The following TAS2R8 variants were observed in gnomAD, a reference collection of about 807,000 sequenced individuals.
The protein encoded by TAS2R8 is taste receptor type 2 member 8.
For missense variants in TAS2R8, 396 were observed against 358.1 expected (o/e 1.11, Z -0.85); for synonymous variants, 139 against 123.9 (o/e 1.12, Z -0.81).
In TAS2R8 at chr12:10,806,951, T is replaced by G. The variant is rs1387747835; in HGVS notation, c.30A>C (p.Ile10=). ...GTATGAATTCTCCAGTTATTAGGAT[T>G]ATAAAGATGTTATCTGCAGGACTGA... MFSPADNIF[I]ILITGEFILG... is the part of the protein sequence containing the mutation. Residue 10 remains isoleucine, a synonymous_variant, in exon 1 of 1, where the codon ATA becomes ATC. Coordinates refer to ENST00000240615, the MANE Select transcript of TAS2R8 (RefSeq NM_023918.3). 6.2e-7 allele frequency: 1 copy of G among 1,609,708 alleles called. No homozygotes were observed. Among genetic ancestry groups the G allele is most frequent in the South Asian group, 1.1e-5 (1 of 90,604 alleles).
At position 10,806,823 on chromosome 12, in the gene TAS2R8, A is replaced by G; in HGVS notation, c.158T>C (p.Ile53Thr). 6.2e-7 allele frequency: 1 copy of G among 1,613,904 alleles called. No homozygotes were observed. Among genetic ancestry groups the G allele is most frequent in the Non-Finnish European group, 8.5e-7 (1 of 1,179,878 alleles). ...TVDYILTNLV[I>T]ARICLISVMV... The stretch of plus-strand genomic sequence containing the variant: ...TACACTGATCAAACAAATTCTGGCG[A>G]TAACTAAATTGGTAAGGATGTAGTC... The change falls in exon 1 of 1, where the codon ATC (isoleucine) becomes ACC (threonine). Residue 53 changes from isoleucine (I) to threonine (T), a missense_variant. Coordinates refer to ENST00000240615, the MANE Select transcript of TAS2R8 (RefSeq NM_023918.3).
At position 10,806,850 on chromosome 12, in the gene TAS2R8, A is replaced by G. The variant is rs201377702; in HGVS notation, c.131T>C (p.Val44Ala). ...DWIKKKKIST[V>A]DYILTNLVIA... Reference sequence around the variant, plus strand: ...AACTAAATTGGTAAGGATGTAGTCAACTGTGGAAATCTTTTTCTTCTTAAT... The same window carrying G: ...AACTAAATTGGTAAGGATGTAGTCAGCTGTGGAAATCTTTTTCTTCTTAAT... Residue 44 changes from valine to alanine, a missense_variant, in exon 1 of 1, where the codon GTT (valine) becomes GCT (alanine). Physicochemically the swap from Val to Ala is moderately conservative, Grantham distance 64. Transcript: ENST00000240615. The G allele has an allele frequency of 2.5e-6, 4 of 1,613,826 alleles. No individual in the cohort carries two copies. Among genetic ancestry groups the G allele is most frequent in the East Asian group, 4.5e-5 (2 of 44,852 alleles).
At position 10,806,793 on chromosome 12, in the gene TAS2R8, A is replaced by G. The variant is rs192787302; in HGVS notation, c.188T>C (p.Val63Ala). 381 of 1,613,898 alleles carry G rather than the reference A, an allele frequency of 2.4e-4. 8 individuals are homozygous for G. In the Admixed American group the frequency reaches 5.8e-3, roughly 25 times the overall value. Residue 63 changes from valine to alanine, a missense_variant, in exon 1 of 1, where the codon GTT becomes GCT. By Grantham distance (64) the Val-to-Ala change is moderately conservative. Transcript: ENST00000240615. ...IARICLISVM[V>A]VNGIVIVLNP... ...CAGTACTATTACAATGCCATTTACA[A>G]CCATTACACTGATCAAACAAATTCT... is the stretch of plus-strand genomic sequence containing the variant.
Position 10,806,565 on chromosome 12 carries a change from G to A in TAS2R8, c.416C>T (p.Ala139Val), listed in dbSNP as rs368167252. ...VVHWILLGCF[A>V]ISLLVSLIAA... is the part of the protein sequence containing the mutation. ...TATAAGGCTGACCAACAAGGAAATG[G>A]CAAAGCATCCCAGCAGGATCCAGTG... is the stretch of plus-strand genomic sequence containing the variant. The change falls in exon 1 of 1, where the codon GCC becomes GTC. Residue 139 changes from alanine (A) to valine (V), a missense_variant. Ala to Val is a moderately conservative substitution (Grantham distance 64, BLOSUM62 0). Transcript: ENST00000240615. 6 of 1,613,728 alleles carry A rather than the reference G, an allele frequency of 3.7e-6. No homozygotes were observed. The African/African-American group carries it at 8.0e-5, about 22-fold the overall frequency.
In TAS2R8 at chr12:10,806,488, T is replaced by C. The variant is rs1948724914; in HGVS notation, c.493A>G (p.Lys165Glu). The change falls in exon 1 of 1, where the codon AAA (lysine) becomes GAA (glutamate). Residue 165 changes from lysine (K) to glutamate (E), a missense_variant. By Grantham distance (56) the Lys-to-Glu change is moderately conservative. Coordinates refer to ENST00000240615, the MANE Select transcript of TAS2R8 (RefSeq NM_023918.3). ...DYRFHAIAKH[K>E]RNITEMFHVS... is the part of the protein sequence containing the mutation. ...TGGAACATTTCAGTAATGTTTCTTT[T>C]ATGTTTGGCAATTGCATGAAACCTA... The C allele has an allele frequency of 2.5e-6, 4 of 1,613,790 alleles. No individual in the cohort carries two copies. The Admixed American group carries it at 5.0e-5, about 20-fold the overall frequency.
rs1948730275 is a variant in TAS2R8, at chr12:10,806,905, A to G, written c.76T>C (p.Tyr26His). Reference protein sequence around the residue: ...EFILGILGNGYIALVNWIDWI... With the variant: ...EFILGILGNGHIALVNWIDWI... ...TCAATCCAGTTGACTAGTGCAATGT[A>G]TCCATTCCCCAATATTCCTAGTATG... The change falls in exon 1 of 1, where the codon TAC becomes CAC. Residue 26 changes from tyrosine to histidine, a missense_variant. Coordinates refer to ENST00000240615, the MANE Select transcript of TAS2R8 (RefSeq NM_023918.3). 3 of 1,612,828 alleles carry G rather than the reference A, an allele frequency of 1.9e-6. No homozygotes were observed. The highest frequency in any genetic ancestry group is 1.7e-6 in the Non-Finnish European group (2 of 1,179,722).
In TAS2R8 at chr12:10,806,555, C is replaced by T; in HGVS notation, c.426G>A (p.Leu142=). The T allele has an allele frequency of 6.2e-7, 1 of 1,613,858 alleles. No homozygotes were observed. The highest frequency in any genetic ancestry group is 1.1e-5 in the South Asian group (1 of 91,076). ...WILLGCFAIS[L]LVSLIAAIVL... is the part of the protein sequence containing the mutation. Reference sequence around the variant, plus strand: ...CTATTGCTGCTATAAGGCTGACCAACAAGGAAATGGCAAAGCATCCCAGCA... The same window carrying T: ...CTATTGCTGCTATAAGGCTGACCAATAAGGAAATGGCAAAGCATCCCAGCA... Residue 142 remains leucine, a synonymous_variant, in exon 1 of 1, where the codon TTG becomes TTA. Transcript: ENST00000240615.
rs1260005798 is a variant in TAS2R8 at position 10,806,782 on chromosome 12, T to C, written c.199A>G (p.Ile67Val). The change falls in exon 1 of 1, where the codon ATT (isoleucine) becomes GTT (valine). Residue 67 changes from isoleucine to valine, a missense_variant. Coordinates refer to ENST00000240615, the MANE Select transcript of TAS2R8 (RefSeq NM_023918.3). ...ACATCTGGGTTCAGTACTATTACAA[T>C]GCCATTTACAACCATTACACTGATC... ...CLISVMVVNG[I>V]VIVLNPDVYT... 1.2e-6 allele frequency: 2 copies of C among 1,613,920 alleles called. No individual in the cohort carries two copies. Among genetic ancestry groups the C allele is most frequent in the Admixed American group, 1.7e-5 (1 of 59,974 alleles).
rs148600212 is a variant in TAS2R8 at position 10,807,008 on chromosome 12, A to G, written c.-28T>C. On this transcript the variant is annotated 5_prime_UTR_variant, in exon 1 of 1. Coordinates refer to ENST00000240615, the MANE Select transcript of TAS2R8 (RefSeq NM_023918.3). ...TTGTAGAGAGAACAATCTGATTTCA[A>G]ATATCACTGTAGATGAGCTAATTTA... 4 of 1,536,874 alleles carry G rather than the reference A, an allele frequency of 2.6e-6. No individual in the cohort carries two copies. Among genetic ancestry groups the G allele is most frequent in the African/African-American group, 2.8e-5 (2 of 72,722 alleles).
rs757909005 is a variant in TAS2R8 at position 10,806,768 on chromosome 12, C to T, written c.213G>A (p.Leu71=). The part of the protein sequence containing the change: ...VMVVNGIVIV[L]NPDVYTKNKQ... ...TATTTTTTGTATAAACATCTGGGTT[C>T]AGTACTATTACAATGCCATTTACAA... The change falls in exon 1 of 1, where the codon CTG becomes CTA. Residue 71 remains leucine (L), a synonymous_variant. Coordinates refer to ENST00000240615, the MANE Select transcript of TAS2R8 (RefSeq NM_023918.3). 5.6e-6 allele frequency: 9 copies of T among 1,613,856 alleles called. No individual in the cohort carries two copies. The East Asian group carries it at 2.0e-4, about 36-fold the overall frequency.
chr12:10,806,541 A>G lies in TAS2R8; in HGVS notation c.440T>C (p.Ile147Thr), dbSNP rs528677007. The G allele has an allele frequency of 1.9e-6, 3 of 1,613,928 alleles. No individual in the cohort carries two copies. Among genetic ancestry groups the G allele is most frequent in the East Asian group, 2.2e-5 (1 of 44,860 alleles). ...CFAISLLVSL[I>T]AAIVLSCDYR... is the part of the protein sequence containing the mutation. ...ATCACAACTCAGTACTATTGCTGCT[A>G]TAAGGCTGACCAACAAGGAAATGGC... Residue 147 changes from isoleucine to threonine, a missense_variant, in exon 1 of 1, where the codon ATA becomes ACA. Ile to Thr is a moderately conservative substitution (Grantham distance 89). Coordinates refer to ENST00000240615, the MANE Select transcript of TAS2R8 (RefSeq NM_023918.3).
chr12:10,806,566 C>T lies in TAS2R8; in HGVS notation c.415G>A (p.Ala139Thr). ...VVHWILLGCFAISLLVSLIAA... is the reference protein window; with the variant it reads ...VVHWILLGCFTISLLVSLIAA... ...ATAAGGCTGACCAACAAGGAAATGG[C>T]AAAGCATCCCAGCAGGATCCAGTGC... The change falls in exon 1 of 1, where the codon GCC (alanine) becomes ACC (threonine). Residue 139 changes from alanine (A) to threonine (T), a missense_variant. Ala to Thr is a moderately conservative substitution (Grantham distance 58, BLOSUM62 0). Transcript: ENST00000240615. 6.2e-7 allele frequency: 1 copy of T among 1,613,846 alleles called. No individual in the cohort carries two copies. The highest frequency in any genetic ancestry group is 8.5e-7 in the Non-Finnish European group (1 of 1,179,896).
Position 10,807,161 on chromosome 12 carries a change from A to T in TAS2R8, c.-181T>A. On this transcript the variant is annotated 5_prime_UTR_variant, in exon 1 of 1. Coordinates refer to ENST00000240615, the MANE Select transcript of TAS2R8 (RefSeq NM_023918.3). ...TCTCCTCTGAAATAGGATTGTCTCT[A>T]CACTCCTGAAGATGAAACCAACTAA... 1.7e-6 allele frequency: 1 copy of T among 576,458 alleles called. No homozygotes were observed. The highest frequency in any genetic ancestry group is 3.4e-5 in the Admixed American group (1 of 29,112). 35.7% of individuals were successfully genotyped at this position (576,458 alleles called of 1,614,324 possible).
chr12:10,806,690 C>T lies in TAS2R8; in HGVS notation c.291G>A (p.Met97Ile), dbSNP rs757858052. Residue 97 changes from methionine (M) to isoleucine (I), a missense_variant, in exon 1 of 1, where the codon ATG (methionine) becomes ATA (isoleucine). Met to Ile is a conservative substitution (Grantham distance 10). Coordinates refer to ENST00000240615, the MANE Select transcript of TAS2R8 (RefSeq NM_023918.3). The stretch of plus-strand genomic sequence containing the variant: ...AGACATTAAGGCAGGTGGTAATCCA[C>T]ATATTTAAGTAGTTGGCAAATGTCC... ...TFWTFANYLN[M>I]WITTCLNVFY... 35 of 1,613,814 alleles carry T rather than the reference C, an allele frequency of 2.2e-5. No individual in the cohort carries two copies. The South Asian group carries it at 3.7e-4, about 17-fold the overall frequency.
In TAS2R8 at chr12:10,806,342, C is replaced by G; in HGVS notation, c.639G>C (p.Lys213Asn). Residue 213 changes from lysine to asparagine, a missense_variant, in exon 1 of 1, where the codon AAG becomes AAC. Coordinates refer to ENST00000240615, the MANE Select transcript of TAS2R8 (RefSeq NM_023918.3). ...LLVRSLWRHT[K>N]QIKLYATGSR... The stretch of plus-strand genomic sequence containing the variant: ...TGCCGGTAGCATAGAGTTTTATTTG[C>G]TTGGTATGTCTCCATAAAGATCTTA... 2 of 1,613,692 alleles carry G rather than the reference C, an allele frequency of 1.2e-6. No individual in the cohort carries two copies. Among genetic ancestry groups the G allele is most frequent in the Non-Finnish European group, 1.7e-6 (2 of 1,179,890 alleles).
Position 10,806,333 on chromosome 12 carries a change from T to G in TAS2R8, c.648A>C (p.Lys216Asn). The G allele has an allele frequency of 6.2e-7, 1 of 1,613,508 alleles. No individual in the cohort carries two copies. Among genetic ancestry groups the G allele is most frequent in the Non-Finnish European group, 8.5e-7 (1 of 1,179,862 alleles). ...GGTCTCTACTGCCGGTAGCATAGAGTTTTATTTGCTTGGTATGTCTCCATA... is the reference window on the plus strand; with the variant it reads ...GGTCTCTACTGCCGGTAGCATAGAGGTTTATTTGCTTGGTATGTCTCCATA... The part of the protein sequence containing the change: ...RSLWRHTKQI[K>N]LYATGSRDPS... The change falls in exon 1 of 1, where the codon AAA becomes AAC. Residue 216 changes from lysine (K) to asparagine (N), a missense_variant. Transcript: ENST00000240615.
the TAS2R8 span, chr12:10,806,744 AT>A: frequency 2.5e-6 from 4 of 1,613,892 alleles, no homozygotes; most frequent in Non-Finnish European, 3.4e-6. Context: ...TCTGTTGTTT[AT>A]TTTTTGTATA....
chr12:10,806,544 A>G lies in TAS2R8; in HGVS notation c.437T>C (p.Leu146Pro), dbSNP rs760434775. ...GCFAISLLVSLIAAIVLSCDY... is the reference protein window; with the variant it reads ...GCFAISLLVSPIAAIVLSCDY... ...ACAACTCAGTACTATTGCTGCTATAAGGCTGACCAACAAGGAAATGGCAAA... is the reference window on the plus strand; with the variant it reads ...ACAACTCAGTACTATTGCTGCTATAGGGCTGACCAACAAGGAAATGGCAAA... The change falls in exon 1 of 1, where the codon CTT becomes CCT. Residue 146 changes from leucine (L) to proline (P), a missense_variant. Leu to Pro is a moderately conservative substitution (Grantham distance 98). Coordinates refer to ENST00000240615, the MANE Select transcript of TAS2R8 (RefSeq NM_023918.3). 35 of 1,613,922 alleles carry G rather than the reference A, an allele frequency of 2.2e-5. No individual in the cohort carries two copies. Among genetic ancestry groups the G allele is most frequent in the Non-Finnish European group, 3.0e-5 (35 of 1,179,930 alleles).
chr12:10,806,559 G>A lies in TAS2R8; in HGVS notation c.422C>T (p.Ser141Phe). 9.3e-6 allele frequency: 15 copies of A among 1,613,824 alleles called. No homozygotes were observed. The highest frequency in any genetic ancestry group is 1.3e-5 in the Non-Finnish European group (15 of 1,179,902). The stretch of plus-strand genomic sequence containing the variant: ...TGCTGCTATAAGGCTGACCAACAAG[G>A]AAATGGCAAAGCATCCCAGCAGGAT... The part of the protein sequence containing the change: ...HWILLGCFAI[S>F]LLVSLIAAIV... The change falls in exon 1 of 1, where the codon TCC (serine) becomes TTC (phenylalanine). Residue 141 changes from serine (S) to phenylalanine (F), a missense_variant. Physicochemically the swap from Ser to Phe is radical, Grantham distance 155. Transcript: ENST00000240615.
Sources: gnomAD v4.1 joint callset for allele counts on GRCh38, gnomAD v4.1.1 for gene constraint, MANE v1.5 for transcripts, NCBI Gene and HGNC (gene_info 2026-07-23, HGNC 2026-07-21) for gene names.